C2CD5: variants seen among roughly 807,000 people sequenced by gnomAD.
C2CD5 encodes the protein C2 calcium dependent domain containing 5, also known as C2 domain-containing protein 5.
A neutral mutation model predicts 130.3 loss-of-function variants in C2CD5; 109 were observed. That is an observed-to-expected ratio of 0.84 (90% CI 0.72 to 0.98). The LOEUF is 0.98. C2CD5 is among the 50% of genes least tolerant of loss of function. The pLI is 0.00. For missense variants in C2CD5, 996 were observed against 1,261.8 expected (o/e 0.79, Z 3.19); for synonymous variants, 454 against 429.2 (o/e 1.06, Z -0.71).
At chr12:22,537,855 T>C (rs952328403) in intron 2 of C2CD5, among the ~76,000 whole-genome samples, 2 of 152,208 alleles carry the variant, frequency 1.3e-5, no homozygotes, top group African/African-American at 2.4e-5. Context: ...AGCCAAACAA[T>C]TGGTAACACA....
intron 20 of C2CD5, 31 bp downstream of exon 20, chr12:22,471,368 A>G (rs1943001245): frequency 8.8e-7 from 1 of 1,139,664 alleles, no homozygotes; most frequent in Non-Finnish European, 1.3e-6. Context: ...CAGATCAGAT[A>G]AAGACTAATA....
intron 3 of C2CD5, 68 bp from the exon 4 acceptor site, chr12:22,527,960 A>G: frequency 7.1e-6 from 6 of 848,794 alleles, no homozygotes; most frequent in East Asian, 5.9e-5. Context: ...ATGTATACCT[A>G]TATCAAATGA....
At chr12:22,522,857 T>C (rs912276785) in intron 7 of C2CD5, among the ~76,000 whole-genome samples, 6 of 152,202 alleles carry the variant, frequency 3.9e-5, no homozygotes, top group Non-Finnish European at 7.3e-5. Flanking sequence ...TTATGCTTTA[T>C]ATATGCAGTG....
At chr12:22,515,127 T>C (rs1949587144) in intron 8 of C2CD5, 2 of 984,936 alleles carry the variant, frequency 2.0e-6, no homozygotes, top group Non-Finnish European at 1.2e-6. Flanking sequence ...CACAGGTAAA[T>C]CCTAGGTCCC....
intron 26 of C2CD5, among the ~76,000 whole-genome samples, chr12:22,451,074 T>C (rs1938494579): frequency 1.3e-5 from 2 of 151,620 alleles, no homozygotes; most frequent in African/African-American, 4.8e-5. Flanking sequence ...GAGTGTTACA[T>C]CTCTAGAAGT....
At chr12:22,543,135 G>A (rs1212265670) in intron 2 of C2CD5, among the ~76,000 whole-genome samples, 1 of 152,174 alleles carries the variant, frequency 6.6e-6, no homozygotes, top group Non-Finnish European at 1.5e-5. Flanking sequence ...ATGAAATCGA[G>A]CTATATATTA....
chr12:22,472,018 A>G lies in C2CD5; in HGVS notation c.2217T>C (p.Thr739=). 6.2e-7 allele frequency: 1 copy of G among 1,610,018 alleles called. No individual in the cohort carries two copies. Among genetic ancestry groups the G allele is most frequent in the Non-Finnish European group, 8.5e-7 (1 of 1,176,974 alleles). ...RVIRLSSLNL[T]NQALNKNFND... is the part of the protein sequence containing the mutation. Reference sequence around the variant, plus strand: ...TAAAGTTCTTATTGAGAGCTTGATTAGTCAGGTTGAGGCTGCTTAATCTGA... The same window carrying G: ...TAAAGTTCTTATTGAGAGCTTGATTGGTCAGGTTGAGGCTGCTTAATCTGA... Residue 739 remains threonine (T), a synonymous_variant, in exon 19 of 27, where the codon ACT becomes ACC. Coordinates refer to ENST00000446597, the MANE Select transcript of C2CD5 (RefSeq NM_001286176.2).
chr12:22,492,037 G>A (rs1186664776), intron 11 of C2CD5, among the ~76,000 whole-genome samples: 2 of 152,174 alleles, frequency 1.3e-5, no homozygotes, highest in African/African-American at 4.8e-5. Flanking sequence ...GGAATAAACA[G>A]TCTAGGAGTA....
intron 7 of C2CD5, 68 bp downstream of exon 7, chr12:22,523,358 A>C: frequency 7.8e-7 from 1 of 1,288,750 alleles, no homozygotes; most frequent in South Asian, 1.3e-5. Context: ...AATGTTTCAA[A>C]TCAAATGAAA....
chr12:22,505,977 G>A (rs1276676826), intron 10 of C2CD5, among the ~76,000 whole-genome samples: 1 of 142,214 alleles, frequency 7.0e-6, no homozygotes, highest in Non-Finnish European at 1.6e-5. Flanking sequence ...TGGGATCTGG[G>A]TTCTGTGTCT....
At chr12:22,498,368 G>T (rs11611495) in intron 10 of C2CD5, among the ~76,000 whole-genome samples, 23,851 of 151,848 alleles carry the variant, frequency 0.16, 3,793 homozygotes, top group African/African-American at 0.41. Flanking sequence ...GAATAAAAAC[G>T]TGACTGAATT....
At chr12:22,460,173 C>G (rs1940824498) in intron 22 of C2CD5, among the ~76,000 whole-genome samples, 1 of 152,118 alleles carries the variant, frequency 6.6e-6, no homozygotes, top group Admixed American at 6.6e-5. Context: ...ACAGTAGCAT[C>G]CAGAATTTTC....
intron 16 of C2CD5, among the ~76,000 whole-genome samples, chr12:22,473,722 A>G (rs924520925): frequency 3.3e-5 from 5 of 152,054 alleles, no homozygotes; most frequent in African/African-American, 1.2e-4. Flanking sequence ...TGAAATTCTC[A>G]TCTACTAGGT....
intron 4 of C2CD5, among the ~76,000 whole-genome samples, chr12:22,526,665 G>C (rs1463178820): frequency 6.6e-6 from 1 of 152,052 alleles, no homozygotes; most frequent in Non-Finnish European, 1.5e-5. Flanking sequence ...GAGCTCAGGG[G>C]TTTGAGACCA....
At chr12:22,540,100 C>A (rs1353043400) in intron 2 of C2CD5, among the ~76,000 whole-genome samples, 1 of 152,028 alleles carries the variant, frequency 6.6e-6, no homozygotes, top group Non-Finnish European at 1.5e-5. Flanking sequence ...GAACTACAAC[C>A]ATCATGTAAA....
chr12:22,541,128 T>TA (rs1475367787), intron 2 of C2CD5, among the ~76,000 whole-genome samples: 1 of 152,078 alleles, frequency 6.6e-6, no homozygotes, highest in African/African-American at 2.4e-5. Context: ...TTAAAGACCC[T>TA]AAAGACATCA....
chr12:22,464,210 G>A (rs1255986490), intron 22 of C2CD5, among the ~76,000 whole-genome samples: 2 of 152,136 alleles, frequency 1.3e-5, no homozygotes, highest in African/African-American at 4.8e-5. Flanking sequence ...GTGATACCTA[G>A]GTAGTACATA....
chr12:22,539,491 A>G (rs1172840456), intron 2 of C2CD5, among the ~76,000 whole-genome samples: 2 of 152,132 alleles, frequency 1.3e-5, no homozygotes, highest in Non-Finnish European at 2.9e-5. Flanking sequence ...CCAACTCCTA[A>G]AGCTTTGCAA....
chr12:22,536,754 TACAGTGGTGTAAGAAGA>T (rs1486114371), intron 2 of C2CD5, among the ~76,000 whole-genome samples: 2 of 152,202 alleles, frequency 1.3e-5, no homozygotes, highest in South Asian at 4.1e-4. Context: ...GGAAATAGAG[TACAGTGGTGTAAGAAGA>T]AAGTAAGGGG....
Sources: allele counts gnomAD v4.1 joint callset (sites outside exome capture counted in the v4.1 genomes callset), GRCh38; gene constraint gnomAD v4.1.1; transcripts MANE v1.5; gene names NCBI Gene and HGNC (gene_info 2026-07-23, HGNC 2026-07-21).